Variants in L3MBTL4 observed in about 807,000 individuals in gnomAD.
L3MBTL4 encodes L3MBTL histone methyl-lysine binding protein 4, also known as lethal(3)malignant brain tumor-like protein 4.
Under a neutral mutation model 84.5 loss-of-function variants are expected in L3MBTL4, and 70 were observed. That is an observed-to-expected ratio of 0.83 (90% CI 0.68 to 1.01). The LOEUF (loss-of-function observed/expected upper bound fraction) is 1.01, where lower values mean the gene tolerates loss of function less well. Ranked by LOEUF, L3MBTL4 falls within the 50% of genes least tolerant of loss-of-function variation. The pLI is 0.00. For synonymous variants in L3MBTL4, 274 were observed against 259.8 expected (o/e 1.05, Z -0.52); for missense variants, 715 against 754.8 (o/e 0.95, Z 0.62).
chr18:6,064,828 A>C (rs1032237327), intron 16 of L3MBTL4, among the ~76,000 whole-genome samples: 1 of 151,832 alleles, frequency 6.6e-6, no homozygotes, highest in Non-Finnish European at 1.5e-5. Context: ...TTTCCACTTC[A>C]GATGCTTTTT....
intron 1 of L3MBTL4, among the ~76,000 whole-genome samples, chr18:6,374,913 T>C (rs1385388054): frequency 6.6e-6 from 1 of 152,206 alleles, no homozygotes; most frequent in African/African-American, 2.4e-5. Flanking sequence ...AAGCTTTCAA[T>C]TAATTCAGTA....
At chr18:5,989,805 G>C (rs1052687432) in intron 16 of L3MBTL4, among the ~76,000 whole-genome samples, 5 of 152,222 alleles carry the variant, frequency 3.3e-5, no homozygotes, top group African/African-American at 1.2e-4. Context: ...GCTGCACCCT[G>C]TCTTTTCTCA....
At chr18:6,035,091 T>C (rs2056055342) in intron 16 of L3MBTL4, among the ~76,000 whole-genome samples, 1 of 151,530 alleles carries the variant, frequency 6.6e-6, no homozygotes, top group Non-Finnish European at 1.5e-5. Context: ...TCTCCCATTT[T>C]GTGGGTTGCC....
At chr18:6,378,498 A>G (rs1478758221) in intron 1 of L3MBTL4, among the ~76,000 whole-genome samples, 4 of 152,150 alleles carry the variant, frequency 2.6e-5, no homozygotes, top group Non-Finnish European at 5.9e-5. Flanking sequence ...TTTTTGTATA[A>G]GGTATAAGGA....
At chr18:6,335,139 A>G (rs55726176) in intron 1 of L3MBTL4, among the ~76,000 whole-genome samples, 32,798 of 152,072 alleles carry the variant, frequency 0.22, 4,862 homozygotes, top group African/African-American at 0.42. Context: ...TGCCCAGGCT[A>G]CAGTGCAGTG....
At chr18:6,102,890 C>G (rs1415165718) in intron 14 of L3MBTL4, among the ~76,000 whole-genome samples, 6 of 152,022 alleles carry the variant, frequency 3.9e-5, no homozygotes, top group Admixed American at 3.9e-4. Flanking sequence ...ATAGTTTCAG[C>G]AAACTAGACA....
intron 16 of L3MBTL4, among the ~76,000 whole-genome samples, chr18:5,986,424 G>T (rs529611273): frequency 3.3e-5 from 5 of 152,056 alleles, no homozygotes; most frequent in African/African-American, 4.8e-5. Context: ...CTGCTTTTTC[G>T]TCTCTATGAA....
At chr18:6,046,210 T>C (rs1043477706) in intron 16 of L3MBTL4, among the ~76,000 whole-genome samples, 3 of 152,176 alleles carry the variant, frequency 2.0e-5, no homozygotes, top group African/African-American at 7.2e-5. Context: ...GACTTAGCTA[T>C]CCTAAACACA....
At chr18:6,012,792 C>G (rs747283059) in intron 16 of L3MBTL4, among the ~76,000 whole-genome samples, 1 of 152,034 alleles carries the variant, frequency 6.6e-6, no homozygotes. Context: ...AACAAATAAA[C>G]GAACAAAAAC....
intron 16 of L3MBTL4, among the ~76,000 whole-genome samples, chr18:5,981,847 C>T (rs1350374927): frequency 6.6e-6 from 1 of 151,882 alleles, no homozygotes; most frequent in African/African-American, 2.4e-5. Flanking sequence ...CCAAGTCACA[C>T]AAAAGCTATT....
At chr18:6,233,989 A>G (rs2047107640) in intron 10 of L3MBTL4, among the ~76,000 whole-genome samples, 1 of 152,182 alleles carries the variant, frequency 6.6e-6, no homozygotes, top group Non-Finnish European at 1.5e-5. Context: ...GTGGAACAGA[A>G]CAGAGCCCTC....
rs1222717756 is a variant in L3MBTL4 at position 6,079,419 on chromosome 18, AT to A, written c.1444+1461del. On this transcript the variant is annotated intron_variant, in intron 16 of 18. Transcript: ENST00000317931. ...GCTGTGAGGAAACGGATATGTTTAA[AT>A]TAAAGAGCACAGTAAATGCATGAAT... 2.0e-5 allele frequency among the ~76,000 whole-genome samples: 3 copies of A among 152,366 alleles called. No homozygotes were observed. The East Asian group carries it at 5.8e-4, about 29-fold the overall frequency.
intron 16 of L3MBTL4, among the ~76,000 whole-genome samples, chr18:6,076,903 C>T (rs767355018): frequency 1.3e-5 from 2 of 152,240 alleles, no homozygotes; most frequent in African/African-American, 2.4e-5. Flanking sequence ...ATGCAGTGGC[C>T]GTGAGAGTGA....
intron 14 of L3MBTL4, among the ~76,000 whole-genome samples, chr18:6,112,434 T>A (rs950943284): frequency 1.3e-5 from 2 of 152,194 alleles, no homozygotes; most frequent in African/African-American, 4.8e-5. Context: ...GTATTAAAAT[T>A]GAGTGCATCA....
At chr18:6,172,247 T>C (rs2044008709) in intron 12 of L3MBTL4, among the ~76,000 whole-genome samples, 1 of 152,184 alleles carries the variant, frequency 6.6e-6, no homozygotes, top group Non-Finnish European at 1.5e-5. Context: ...GGAATGCTGT[T>C]GAGGGGATAC....
chr18:5,982,757 CAT>C (rs1403860893), intron 16 of L3MBTL4, among the ~76,000 whole-genome samples: 1 of 152,172 alleles, frequency 6.6e-6, no homozygotes, highest in African/African-American at 2.4e-5. Flanking sequence ...ATTCATCACA[CAT>C]ATGCTTAAGA....
At chr18:6,088,727 T>C (rs2143527505) in intron 15 of L3MBTL4, among the ~76,000 whole-genome samples, 1 of 152,278 alleles carries the variant, frequency 6.6e-6, no homozygotes, top group South Asian at 2.1e-4. Context: ...ACTAACATTG[T>C]TATAATTCTG....
At chr18:6,362,294 G>A (rs1261310022) in intron 1 of L3MBTL4, among the ~76,000 whole-genome samples, 1 of 151,190 alleles carries the variant, frequency 6.6e-6, no homozygotes, top group African/African-American at 2.4e-5. Flanking sequence ...AGAAGAGAAA[G>A]AAAGAGGAAG....
chr18:6,207,194 G>C (rs2045912851), intron 12 of L3MBTL4, among the ~76,000 whole-genome samples: 1 of 152,186 alleles, frequency 6.6e-6, no homozygotes, highest in African/African-American at 2.4e-5. Context: ...CTGTTTTTGT[G>C]ATGAACAGCA....
Sources: gnomAD v4.1 joint callset for allele counts (sites outside exome capture counted in the v4.1 genomes callset) on GRCh38, gnomAD v4.1.1 for gene constraint, MANE v1.5 for transcripts, NCBI Gene and HGNC (gene_info 2026-07-23, HGNC 2026-07-21) for gene names.